The following EIF4ENIF1 variants were observed in gnomAD, a reference collection of about 807,000 sequenced individuals.
EIF4ENIF1 encodes eukaryotic translation initiation factor 4E transporter.
In EIF4ENIF1, 23 loss-of-function variants were observed where a neutral mutation model predicts 110.5. The ratio of observed to expected loss-of-function variants is 0.21; its 90% CI spans 0.15 to 0.29. EIF4ENIF1 has a LOEUF of 0.29. Ranked by LOEUF, EIF4ENIF1 falls within the 10% of genes least tolerant of loss-of-function variation. The pLI is 1.00. For synonymous variants in EIF4ENIF1, 440 were observed against 437.0 expected (o/e 1.01, Z -0.09); for missense variants, 1,031 against 1,221.1 (o/e 0.84, Z 2.32).
At chr22:31,485,587 T>G (rs529830290) in intron 2 of EIF4ENIF1, among the ~76,000 whole-genome samples, 58 of 152,098 alleles carry the variant, frequency 3.8e-4, no homozygotes, top group African/African-American at 1.4e-3. Context: ...TCCCAGCACT[T>G]TGGAAGGCTG....
chr22:31,437,939 G>A (rs948729314), downstream of EIF4ENIF1: 2 of 152,226 alleles, frequency 1.3e-5, no homozygotes, highest in African/African-American at 4.8e-5. Context: ...TGAAAGAAAA[G>A]TACCAGGAAG....
intron 7 of EIF4ENIF1, among the ~76,000 whole-genome samples, chr22:31,457,231 C>T (rs2050858125): frequency 6.6e-6 from 1 of 152,122 alleles, no homozygotes; most frequent in South Asian, 2.1e-4. Context: ...AATCCAACCT[C>T]CATAGTTTAC....
At chr22:31,480,683 A>C (rs1033528007) in intron 2 of EIF4ENIF1, among the ~76,000 whole-genome samples, 9 of 152,092 alleles carry the variant, frequency 5.9e-5, no homozygotes, top group African/African-American at 1.9e-4. Context: ...TGAACCCGGG[A>C]GGCAGAGGTT....
intron 14 of EIF4ENIF1, among the ~76,000 whole-genome samples, chr22:31,446,273 A>G (rs1049602270): frequency 3.3e-5 from 3 of 90,148 alleles, no homozygotes; most frequent in Non-Finnish European, 6.3e-5. Context: ...CAACAGATCA[A>G]GAGATTGTCT....
chr22:31,473,573 T>C (rs910226310), intron 2 of EIF4ENIF1, among the ~76,000 whole-genome samples: 1 of 152,214 alleles, frequency 6.6e-6, no homozygotes, highest in African/African-American at 2.4e-5. Context: ...CTAGAAAATA[T>C]AGTCCCTTTC....
chr22:31,491,286 G>T (rs1264721782), upstream of EIF4ENIF1, among the ~76,000 whole-genome samples: 1 of 152,162 alleles, frequency 6.6e-6, no homozygotes, highest in East Asian at 1.9e-4. Flanking sequence ...TGATAATACA[G>T]ATGTTATTAT....
chr22:31,457,820 T>C (rs1458636154), intron 7 of EIF4ENIF1, among the ~76,000 whole-genome samples: 4 of 152,224 alleles, frequency 2.6e-5, no homozygotes, highest in African/African-American at 9.6e-5. Context: ...TGCTGACTTT[T>C]AAGTGCACTA....
intron 6 of EIF4ENIF1, among the ~76,000 whole-genome samples, chr22:31,460,503 C>A (rs192633329): frequency 1.0e-4 from 15 of 150,518 alleles, no homozygotes; most frequent in East Asian, 3.9e-4. Flanking sequence ...TGTGTTGGCA[C>A]GCGCCTGTAG....
Position 31,468,181 on chromosome 22 carries a change from T to C in EIF4ENIF1, c.292A>G (p.Ile98Val), listed in dbSNP as rs751476335. The change falls in exon 4 of 19, where the codon ATA becomes GTA. Residue 98 changes from isoleucine (I) to valine (V), a missense_variant. This residue lies in a region of EIF4ENIF1 where 704 missense variants were observed against 879.7 expected (regional missense o/e 0.80). Transcript: ENST00000330125. ...TGAGTGACTGTGTGCTCACCTACTA[T>C]CCTGCGCACCAGGGAAGGCCGGTCT... ...DTDRPSLVRR[I>V]VDPRERVKED... 1 of 1,613,982 alleles carries C rather than the reference T, an allele frequency of 6.2e-7. No individual in the cohort carries two copies. Among genetic ancestry groups the C allele is most frequent in the Admixed American group, 1.7e-5 (1 of 60,008 alleles).
intron 2 of EIF4ENIF1, among the ~76,000 whole-genome samples, chr22:31,487,607 T>C (rs1243956070): frequency 6.6e-6 from 1 of 151,970 alleles, no homozygotes; most frequent in East Asian, 1.9e-4. Context: ...CTGGGCAACA[T>C]GGCGAATTCC....
chr22:31,456,966 C>A (rs2050850298), intron 7 of EIF4ENIF1, among the ~76,000 whole-genome samples: 1 of 152,182 alleles, frequency 6.6e-6, no homozygotes, highest in Admixed American at 6.5e-5. Flanking sequence ...GAGTGACCTT[C>A]AACTAAATAT....
intron 10 of EIF4ENIF1, chr22:31,451,281 A>G (rs988723803): frequency 6.6e-6 from 1 of 151,942 alleles, no homozygotes; most frequent in Non-Finnish European, 1.5e-5. Context: ...AAGCTTTATT[A>G]TTTTATTTTT....
At chr22:31,443,394 A>G (rs2050363993) in intron 15 of EIF4ENIF1, 1 of 263,198 alleles carries the variant, frequency 3.8e-6, no homozygotes, top group Non-Finnish European at 7.0e-6. Flanking sequence ...GGCCAGAAAT[A>G]TAACTTGGAG....
rs1478782505 is a variant in EIF4ENIF1 at position 31,439,707 on chromosome 22, A to T, written c.*173T>A. ...ATTCAGACAATGTACACTCCACTCGACTGGTTAAGATCCTTCCATCATAAT... is the reference window on the plus strand; with the variant it reads ...ATTCAGACAATGTACACTCCACTCGTCTGGTTAAGATCCTTCCATCATAAT... On this transcript the variant is annotated 3_prime_UTR_variant, in exon 19 of 19. Coordinates refer to ENST00000330125, the MANE Select transcript of EIF4ENIF1 (RefSeq NM_019843.4). 3.5e-6 allele frequency: 3 copies of T among 848,378 alleles called. No homozygotes were observed. Among genetic ancestry groups the T allele is most frequent in the Admixed American group, 6.1e-5 (2 of 32,632 alleles). The allele number at this position is 848,378 out of a possible 1,614,324, so 52.6% of individuals were successfully genotyped here.
chr22:31,453,574 T>C (rs770269442), intron 10 of EIF4ENIF1, among the ~76,000 whole-genome samples: 2 of 152,126 alleles, frequency 1.3e-5, no homozygotes, highest in Non-Finnish European at 2.9e-5. Flanking sequence ...CGTTTCACCA[T>C]GTTGGCCAGG....
At chr22:31,482,611 A>C (rs1410194685) in intron 2 of EIF4ENIF1, among the ~76,000 whole-genome samples, 1 of 149,868 alleles carries the variant, frequency 6.7e-6, no homozygotes, top group Admixed American at 6.6e-5. Flanking sequence ...GAACCTGGGA[A>C]GCAGAGGTTG....
At chr22:31,459,529 A>G (rs2050927936) in intron 6 of EIF4ENIF1, among the ~76,000 whole-genome samples, 1 of 152,070 alleles carries the variant, frequency 6.6e-6, no homozygotes, top group Non-Finnish European at 1.5e-5. Flanking sequence ...ATTAATTGCT[A>G]CCTTCTCTAT....
chr22:31,442,221 C>T (rs1224820237), intron 16 of EIF4ENIF1, 103 bp from the exon 17 acceptor site: 10 of 911,190 alleles, frequency 1.1e-5, no homozygotes, highest in Non-Finnish European at 1.5e-5. Context: ...CAATTCTTAT[C>T]TGATACCCTT....
chr22:31,485,766 T>C (rs2051993655), intron 2 of EIF4ENIF1, among the ~76,000 whole-genome samples: 1 of 151,254 alleles, frequency 6.6e-6, no homozygotes, highest in Admixed American at 6.6e-5. Context: ...ATCGTGCCAT[T>C]GCACTCCAGC....
Sources: allele counts gnomAD v4.1 joint callset (sites outside exome capture counted in the v4.1 genomes callset), GRCh38; gene constraint gnomAD v4.1.1; regional missense constraint gnomAD v4.1.1; transcripts MANE v1.5; gene names NCBI Gene and HGNC (gene_info 2026-07-23, HGNC 2026-07-21).